Variants in PPARGC1A observed in about 807,000 individuals in gnomAD.
PPARGC1A encodes the protein peroxisome proliferator-activated receptor gamma coactivator 1-alpha.
PPARGC1A carries 25 observed loss-of-function variants against 88.7 expected under a neutral mutation model. The ratio of observed to expected loss-of-function variants is 0.28; its 90% CI spans 0.21 to 0.39. The LOEUF is 0.39. Among genes scored for constraint, PPARGC1A ranks in the 10% least tolerant of loss-of-function variants. The pLI is 1.00. For missense variants in PPARGC1A, 880 were observed against 968.7 expected (o/e 0.91, Z 1.22); for synonymous variants, 363 against 355.6 (o/e 1.02, Z -0.24).
At chr4:24,317,692 T>C in the PPARGC1A span, among the ~76,000 whole-genome samples, 1 of 151,682 alleles carries the variant, frequency 6.6e-6, no homozygotes, top group Non-Finnish European at 1.5e-5. Context: ...CTGGATTTTT[T>C]TTCACTTCAG....
chr4:24,208,675 GAAA>G, the PPARGC1A span, among the ~76,000 whole-genome samples: 1 of 126,126 alleles, frequency 7.9e-6, no homozygotes, highest in Non-Finnish European at 1.6e-5. Flanking sequence ...ACCAAACTCA[GAAA>G]AAAAATATAT....
intron 2 of PPARGC1A, among the ~76,000 whole-genome samples, chr4:23,877,175 T>C (rs950140979): frequency 3.3e-5 from 5 of 152,036 alleles, no homozygotes; most frequent in African/African-American, 2.4e-5. Context: ...CAGTAAAGCA[T>C]AGGATGCTGC....
At chr4:24,135,895 G>A in the PPARGC1A span, among the ~76,000 whole-genome samples, 5 of 152,256 alleles carry the variant, frequency 3.3e-5, no homozygotes, top group Non-Finnish European at 5.9e-5. Context: ...ACCGGAATGC[G>A]TTTAAACACC....
chr4:23,951,767 A>C, the PPARGC1A span, among the ~76,000 whole-genome samples: 4 of 152,136 alleles, frequency 2.6e-5, no homozygotes, highest in Non-Finnish European at 5.9e-5. Context: ...TCTAGAACCC[A>C]TTCATGAAAA....
intron 12 of PPARGC1A, among the ~76,000 whole-genome samples, chr4:23,796,426 C>T (rs369791840): frequency 5.9e-5 from 9 of 152,162 alleles, no homozygotes; most frequent in African/African-American, 1.4e-4. Flanking sequence ...CCTCTACTTC[C>T]GTACCTCTTG....
chr4:23,860,595 C>T (rs762508745), intron 2 of PPARGC1A, among the ~76,000 whole-genome samples: 3 of 152,102 alleles, frequency 2.0e-5, no homozygotes, highest in African/African-American at 4.8e-5. Flanking sequence ...ACAAATAATG[C>T]TATTTAAAAT....
At chr4:24,344,591 G>A in the PPARGC1A span, among the ~76,000 whole-genome samples, 1 of 144,582 alleles carries the variant, frequency 6.9e-6, no homozygotes, top group African/African-American at 2.5e-5. Context: ...ACTTTTTGAT[G>A]GGATTGTTTG....
At chr4:24,342,074 ACT>A in the PPARGC1A span, among the ~76,000 whole-genome samples, 1 of 152,128 alleles carries the variant, frequency 6.6e-6, no homozygotes, top group Non-Finnish European at 1.5e-5. Context: ...AAACTCAAAG[ACT>A]TCCCACACGT....
At chr4:24,383,575 A>C in the PPARGC1A span, among the ~76,000 whole-genome samples, 1 of 152,316 alleles carries the variant, frequency 6.6e-6, no homozygotes, top group South Asian at 2.1e-4. Flanking sequence ...AACTTTGTGA[A>C]GCATACACAA....
chr4:24,104,722 G>A, the PPARGC1A span, among the ~76,000 whole-genome samples: 11 of 152,258 alleles, frequency 7.2e-5, no homozygotes, highest in East Asian at 1.9e-4. Flanking sequence ...TACCTGTGAC[G>A]AGATGTGGAA....
chr4:23,802,852 T>G (rs1431650287), intron 10 of PPARGC1A, among the ~76,000 whole-genome samples: 1 of 152,148 alleles, frequency 6.6e-6, no homozygotes, highest in East Asian at 1.9e-4. Flanking sequence ...CAATCTCTTC[T>G]TGCTCACATA....
the PPARGC1A span, among the ~76,000 whole-genome samples, chr4:24,243,235 TTTATTA>T: frequency 6.6e-6 from 1 of 152,122 alleles, no homozygotes; most frequent in African/African-American, 2.4e-5. Context: ...GAAGCTATAT[TTTATTA>T]TTATTATTAA....
At chr4:23,947,420 T>C in the PPARGC1A span, among the ~76,000 whole-genome samples, 1 of 137,828 alleles carries the variant, frequency 7.3e-6, no homozygotes, top group Non-Finnish European at 1.5e-5. Flanking sequence ...ATGGAGAAAA[T>C]GGAGACTTAA....
chr4:24,452,512 C>T, the PPARGC1A span, among the ~76,000 whole-genome samples: 2 of 152,182 alleles, frequency 1.3e-5, no homozygotes, highest in South Asian at 2.1e-4. Context: ...AGGATCCATT[C>T]GCTTCCTTGT....
chr4:24,086,699 G>A, the PPARGC1A span, among the ~76,000 whole-genome samples: 3 of 151,892 alleles, frequency 2.0e-5, no homozygotes, highest in African/African-American at 4.8e-5. Flanking sequence ...GCACATGGGG[G>A]GTATTCAAAA....
At chr4:24,357,847 C>T in the PPARGC1A span, among the ~76,000 whole-genome samples, 1 of 152,206 alleles carries the variant, frequency 6.6e-6, no homozygotes, top group South Asian at 2.1e-4. Context: ...TTGTCTTCCA[C>T]CATGACTGTG....
At chr4:24,419,332 C>T in the PPARGC1A span, among the ~76,000 whole-genome samples, 1 of 143,516 alleles carries the variant, frequency 7.0e-6, no homozygotes, top group Non-Finnish European at 1.5e-5. Flanking sequence ...CTGACCAACA[C>T]AATTCCTAAC....
At chr4:24,344,117 A>G in the PPARGC1A span, among the ~76,000 whole-genome samples, 1 of 151,948 alleles carries the variant, frequency 6.6e-6, no homozygotes, top group Non-Finnish European at 1.5e-5. Flanking sequence ...ATATATATAT[A>G]TATATCACAG....
chr4:24,269,849 A>G, the PPARGC1A span, among the ~76,000 whole-genome samples: 1 of 152,222 alleles, frequency 6.6e-6, no homozygotes, highest in Non-Finnish European at 1.5e-5. Context: ...AAACTTGTAT[A>G]AAGCTCTTAA....
Sources: allele counts gnomAD v4.1 joint callset (sites outside exome capture counted in the v4.1 genomes callset), GRCh38; gene constraint gnomAD v4.1.1; transcripts MANE v1.5; gene names NCBI Gene and HGNC (gene_info 2026-07-23, HGNC 2026-07-21).